The following PTPN4 variants were observed in gnomAD, a reference collection of about 807,000 sequenced individuals.
PTPN4 encodes the protein tyrosine-protein phosphatase non-receptor type 4.
A neutral mutation model predicts 135.5 loss-of-function variants in PTPN4; 49 were observed. That is an observed-to-expected ratio of 0.36 (90% confidence interval 0.29 to 0.46). The LOEUF (loss-of-function observed/expected upper bound fraction) is 0.46, where lower values mean the gene tolerates loss of function less well. Ranked by LOEUF, PTPN4 falls within the 20% of genes least tolerant of loss-of-function variation. PTPN4 has a pLI of 1.00. For synonymous variants in PTPN4, 333 were observed against 369.9 expected (o/e 0.90, Z 1.14); for missense variants, 860 against 1,101.0 (o/e 0.78, Z 3.10).
In PTPN4 at chr2:119,787,154, A is replaced by G. The variant is rs1229990327; in HGVS notation, c.-17-22683A>G. On this transcript the variant is annotated intron_variant, in intron 1 of 26. Coordinates refer to ENST00000263708, the MANE Select transcript of PTPN4 (RefSeq NM_002830.4). Reference sequence around the variant, plus strand: ...TGGCTTACAGGTTTTAGCATTTACAAATCTTCTCCTGGGCTGGTGGCTAGT... The same window carrying G: ...TGGCTTACAGGTTTTAGCATTTACAGATCTTCTCCTGGGCTGGTGGCTAGT... Among the ~76,000 whole-genome samples, 4 of 152,146 alleles carry G rather than the reference A, an allele frequency of 2.6e-5. No homozygotes were observed. In the East Asian group the frequency reaches 5.8e-4, roughly 22 times the overall value.
chr2:119,889,996 T>C (rs1249122107), intron 9 of PTPN4, among the ~76,000 whole-genome samples: 1 of 152,246 alleles, frequency 6.6e-6, no homozygotes. Flanking sequence ...TTCTGCATTG[T>C]TCAGTGGAAT....
intron 9 of PTPN4, among the ~76,000 whole-genome samples, chr2:119,892,916 T>C (rs1313605374): frequency 6.6e-6 from 1 of 150,522 alleles, no homozygotes; most frequent in Non-Finnish European, 1.5e-5. Flanking sequence ...TAAGTGGAGA[T>C]GGAGTCTTGC....
intron 15 of PTPN4, among the ~76,000 whole-genome samples, chr2:119,941,412 A>AGTGTGTGT (rs3084705): frequency 3.2e-3 from 472 of 148,836 alleles, no homozygotes; most frequent in Middle Eastern, 0.014. Flanking sequence ...TAGACTTCAG[A>AGTGTGTGT]GTGTGTGTGT....
At chr2:119,808,927 A>G (rs1235246794) in intron 1 of PTPN4, among the ~76,000 whole-genome samples, 4 of 152,146 alleles carry the variant, frequency 2.6e-5, no homozygotes, top group Non-Finnish European at 5.9e-5. Context: ...TTGCTTACTC[A>G]TTGTTCATAC....
intron 1 of PTPN4, among the ~76,000 whole-genome samples, chr2:119,793,253 A>C (rs11689531): frequency 6.6e-6 from 1 of 151,982 alleles, no homozygotes; most frequent in Non-Finnish European, 1.5e-5. Context: ...GCTGTCAATT[A>C]TTAATATTCC....
At chr2:119,895,594 G>A (rs1413510211) in intron 9 of PTPN4, among the ~76,000 whole-genome samples, 2 of 151,980 alleles carry the variant, frequency 1.3e-5, no homozygotes, top group Non-Finnish European at 1.5e-5. Flanking sequence ...AGTCGAGATC[G>A]CGCCACTGGA....
At chr2:119,863,893 A>G (rs562222175) in intron 3 of PTPN4, among the ~76,000 whole-genome samples, 1 of 152,286 alleles carries the variant, frequency 6.6e-6, no homozygotes, top group African/African-American at 2.4e-5. Flanking sequence ...AAACCCATGT[A>G]AAAATGGAAG....
chr2:119,845,075 A>G (rs1677469355), intron 2 of PTPN4, among the ~76,000 whole-genome samples: 1 of 148,788 alleles, frequency 6.7e-6, no homozygotes, highest in Non-Finnish European at 1.5e-5. Flanking sequence ...ACACAGCGAA[A>G]CCCCGTCTCC....
At chr2:119,761,459 T>C (rs2104913081) in intron 1 of PTPN4, among the ~76,000 whole-genome samples, 1 of 152,342 alleles carries the variant, frequency 6.6e-6, no homozygotes, top group East Asian at 1.9e-4. Flanking sequence ...AATCTTGAAT[T>C]TGACTAATAT....
chr2:119,796,627 T>C (rs1691265400), intron 1 of PTPN4, among the ~76,000 whole-genome samples: 1 of 152,216 alleles, frequency 6.6e-6, no homozygotes, highest in Admixed American at 6.5e-5. Flanking sequence ...ATTAGATGCT[T>C]GTTTCCAGTT....
chr2:119,957,860 T>C (rs1656296066), intron 22 of PTPN4, among the ~76,000 whole-genome samples: 1 of 152,132 alleles, frequency 6.6e-6, no homozygotes, highest in African/African-American at 2.4e-5. Context: ...TGCCAACATG[T>C]ATTTCAAATA....
In PTPN4 at chr2:119,760,075, G is replaced by A. The variant is rs916978221; in HGVS notation, c.-327G>A. 1 of 384,562 alleles carries A rather than the reference G, an allele frequency of 2.6e-6. No individual in the cohort carries two copies. The highest frequency in any genetic ancestry group is 4.6e-6 in the Non-Finnish European group (1 of 217,512). The allele number at this position is 384,562 out of a possible 1,614,324, so 23.8% of individuals were successfully genotyped here. A position where few individuals can be genotyped will look rare whatever the true frequency, so the allele number is the denominator to read the frequency against. On this transcript the variant is annotated 5_prime_UTR_variant, in exon 1 of 27. Coordinates refer to ENST00000263708, the MANE Select transcript of PTPN4 (RefSeq NM_002830.4). Reference sequence around the variant, plus strand: ...CTTGGCTTTGGCCGCGGGGTCGGAGGATTGGGGCCAGGCCCCCTCCCCCAC... The same window carrying A: ...CTTGGCTTTGGCCGCGGGGTCGGAGAATTGGGGCCAGGCCCCCTCCCCCAC...
chr2:119,890,213 A>G (rs1327445474), intron 9 of PTPN4, among the ~76,000 whole-genome samples: 1 of 151,702 alleles, frequency 6.6e-6, no homozygotes, highest in East Asian at 1.9e-4. Context: ...ATATATTTAG[A>G]ATAGTTATGT....
chr2:119,826,621 CT>C (rs1208772399), intron 2 of PTPN4, among the ~76,000 whole-genome samples: 2 of 152,204 alleles, frequency 1.3e-5, no homozygotes, highest in Non-Finnish European at 2.9e-5. Flanking sequence ...AATCCCTCCC[CT>C]ATCCCCCACA....
chr2:119,931,507 A>G (rs918197276), intron 13 of PTPN4, among the ~76,000 whole-genome samples: 2 of 129,730 alleles, frequency 1.5e-5, no homozygotes, highest in Admixed American at 1.0e-4. Context: ...CAGTGGTGCT[A>G]TCACAGCTCA....
chr2:119,914,322 A>T (rs903915264), intron 10 of PTPN4, among the ~76,000 whole-genome samples: 4 of 132,958 alleles, frequency 3.0e-5, no homozygotes, highest in Non-Finnish European at 6.1e-5. Context: ...TATTTTTCCC[A>T]TGTCGAGTGA....
chr2:119,862,261 A>G (rs1344396876), intron 2 of PTPN4, among the ~76,000 whole-genome samples: 1 of 152,222 alleles, frequency 6.6e-6, no homozygotes, highest in African/African-American at 2.4e-5. Flanking sequence ...TCACATGTGA[A>G]GTCTTTTTTC....
chr2:119,808,230 A>G (rs1406975726), intron 1 of PTPN4, among the ~76,000 whole-genome samples: 1 of 152,206 alleles, frequency 6.6e-6, no homozygotes, highest in African/African-American at 2.4e-5. Context: ...TGGCCAGGGC[A>G]GTCAGGCAAG....
chr2:119,958,131 C>T (rs189005015), intron 22 of PTPN4, among the ~76,000 whole-genome samples: 15 of 151,278 alleles, frequency 9.9e-5, no homozygotes, highest in East Asian at 3.9e-4. Flanking sequence ...AAGTAAGCCT[C>T]GGCAACATAT....
Sources: gnomAD v4.1 joint callset for allele counts (sites outside exome capture counted in the v4.1 genomes callset) on GRCh38, gnomAD v4.1.1 for gene constraint, MANE v1.5 for transcripts, NCBI Gene and HGNC (gene_info 2026-07-23, HGNC 2026-07-21) for gene names.